The following LRRC7 variants were observed in gnomAD, a reference collection of about 807,000 sequenced individuals.
LRRC7 encodes leucine-rich repeat-containing protein 7.
In LRRC7, 23 loss-of-function variants were observed where a neutral mutation model predicts 175.7. The observed-to-expected ratio is 0.13, with a 90% CI of 0.09 to 0.19. LRRC7 has a LOEUF of 0.19. Ranked by LOEUF, LRRC7 falls within the 10% of genes least tolerant of loss-of-function variation. The probability of loss-of-function intolerance (pLI) is 1.00; values close to 1 mark genes in which losing one functional copy is unlikely to be tolerated. For missense variants in LRRC7, 1,354 were observed against 1,904.7 expected, an observed-to-expected ratio of 0.71 and a Z score of 5.38; for synonymous variants, 685 against 680.9, an observed-to-expected ratio of 1.01 and a Z score of -0.09.
chr1:69,684,841 A>G (rs555634354), intron 2 of LRRC7, among the ~76,000 whole-genome samples: 6 of 152,222 alleles, frequency 3.9e-5, no homozygotes, highest in Admixed American at 1.3e-4. Context: ...ATCTTATTCT[A>G]TAATCCCAAT....
At chr1:69,650,617 C>A (rs1570168128) in intron 1 of LRRC7, among the ~76,000 whole-genome samples, 1 of 150,090 alleles carries the variant, frequency 6.7e-6, no homozygotes, top group Non-Finnish European at 1.5e-5. Flanking sequence ...AGCAAATATT[C>A]ATTAAGCATG....
intron 1 of LRRC7, among the ~76,000 whole-genome samples, chr1:69,612,520 T>A (rs1032530394): frequency 6.6e-6 from 1 of 151,954 alleles, no homozygotes; most frequent in Non-Finnish European, 1.5e-5. Context: ...ATTCTTACAT[T>A]CAATATAAGG....
rs566929210 is a variant in LRRC7 at position 70,136,256 on chromosome 1, T to C, written c.*14369T>C. ...CTTTTGCTTGGTCTTGCCATAAATA[T>C]GCCCCGCAGGTTCACCTATACCCCA... On this transcript the variant is annotated 3_prime_UTR_variant, in exon 27 of 27. Coordinates refer to ENST00000651989, the MANE Select transcript of LRRC7 (RefSeq NM_001370785.2). Among the ~76,000 whole-genome samples the C allele has an allele frequency of 4.4e-4, 67 of 152,052 alleles. No homozygotes were observed. The highest frequency in any genetic ancestry group is 1.4e-3 in the African/African-American group (60 of 41,452).
chr1:69,881,757 G>A (rs1046139856), intron 7 of LRRC7, among the ~76,000 whole-genome samples: 1 of 151,598 alleles, frequency 6.6e-6, no homozygotes, highest in Admixed American at 6.6e-5. Context: ...GTGCATGCTT[G>A]TGGTCTCAGC....
intron 24 of LRRC7, among the ~76,000 whole-genome samples, chr1:70,077,714 C>A (rs1244051184): frequency 6.6e-6 from 1 of 152,056 alleles, no homozygotes; most frequent in Non-Finnish European, 1.5e-5. Flanking sequence ...ACTATTTCCC[C>A]AAAAATGTAA....
At chr1:69,931,621 T>G (rs760143658) in intron 8 of LRRC7, 51 bp downstream of exon 8, 1 of 1,431,266 alleles carries the variant, frequency 7.0e-7, no homozygotes, top group South Asian at 1.2e-5. Flanking sequence ...GGAGATTCTT[T>G]CTTTTGCTCT....
At chr1:69,879,835 A>AATT in intron 7 of LRRC7, 1 of 152,400 alleles carries the variant, frequency 6.6e-6, no homozygotes, top group South Asian at 2.1e-4. Flanking sequence ...TCTCAGGAAC[A>AATT]ATCCCAGGTT....
intron 7 of LRRC7, among the ~76,000 whole-genome samples, chr1:69,921,921 C>CTGTTTGTT (rs149881011): frequency 1.1e-4 from 16 of 151,930 alleles, no homozygotes; most frequent in African/African-American, 3.9e-4. Flanking sequence ...TACATTCATT[C>CTGTTTGTT]TGTTTGTTTG....
chr1:69,910,275 G>A (rs1037022706), intron 7 of LRRC7, among the ~76,000 whole-genome samples: 1 of 152,144 alleles, frequency 6.6e-6, no homozygotes, highest in Non-Finnish European at 1.5e-5. Context: ...CTTTTTAGAG[G>A]TTCCAGTTTT....
chr1:70,040,917 T>A (rs948276902), intron 21 of LRRC7, among the ~76,000 whole-genome samples: 3 of 152,222 alleles, frequency 2.0e-5, no homozygotes, highest in African/African-American at 7.2e-5. Context: ...TTTTGTTGCC[T>A]GTTTGAATCT....
chr1:69,931,673 T>G, intron 8 of LRRC7, 103 bp downstream of exon 8: 1 of 918,942 alleles, frequency 1.1e-6, no homozygotes, highest in Non-Finnish European at 1.7e-6. Context: ...CACGTTTGCA[T>G]TTGCTAAATG....
chr1:69,817,712 C>T (rs999404086), intron 4 of LRRC7, among the ~76,000 whole-genome samples: 1 of 152,024 alleles, frequency 6.6e-6, no homozygotes, highest in African/African-American at 2.4e-5. Flanking sequence ...CTGTGAATTA[C>T]TTTGGGTAGT....
intron 7 of LRRC7, among the ~76,000 whole-genome samples, chr1:69,906,575 T>C (rs1281585280): frequency 3.3e-5 from 5 of 152,200 alleles, no homozygotes; most frequent in Non-Finnish European, 5.9e-5. Context: ...GTTGTAGATA[T>C]GTGGCATGAT....
chr1:69,982,051 A>G (rs1570902030), intron 9 of LRRC7, among the ~76,000 whole-genome samples: 1 of 152,248 alleles, frequency 6.6e-6, no homozygotes, highest in East Asian at 1.9e-4. Context: ...TATGGAACCA[A>G]TAGAAGGTAC....
At chr1:69,917,383 T>C (rs1646752815) in intron 7 of LRRC7, among the ~76,000 whole-genome samples, 1 of 152,156 alleles carries the variant, frequency 6.6e-6, no homozygotes, top group Non-Finnish European at 1.5e-5. Flanking sequence ...CAGTGCTTAC[T>C]TTCATGAAGA....
At chr1:69,743,922 A>G (rs1668984525) in intron 2 of LRRC7, among the ~76,000 whole-genome samples, 1 of 151,804 alleles carries the variant, frequency 6.6e-6, no homozygotes, top group South Asian at 2.1e-4. Flanking sequence ...GTATGATTAT[A>G]TGTATTCACT....
chr1:69,895,397 A>G (rs1645951556), intron 7 of LRRC7, among the ~76,000 whole-genome samples: 1 of 152,190 alleles, frequency 6.6e-6, no homozygotes. Flanking sequence ...TAGAAACTTG[A>G]ATTTATAATA....
intron 7 of LRRC7, among the ~76,000 whole-genome samples, chr1:69,859,941 G>A (rs962038359): frequency 6.6e-6 from 1 of 151,910 alleles, no homozygotes; most frequent in Non-Finnish European, 1.5e-5. Context: ...ATTGAACTAA[G>A]TGATGTGATT....
At position 70,137,264 on chromosome 1, in the gene LRRC7, A is replaced by G. The variant is rs542702121; in HGVS notation, c.*15377A>G. ...TTCCAAGGAGTAACCCTTTTGGGTC[A>G]AAGTCAGAGGGGGCTTGCTGGAATC... is the stretch of plus-strand genomic sequence containing the variant. On this transcript the variant is annotated 3_prime_UTR_variant, in exon 27 of 27. Coordinates refer to ENST00000651989, the MANE Select transcript of LRRC7 (RefSeq NM_001370785.2). Among the ~76,000 whole-genome samples the G allele has an allele frequency of 2.6e-5, 4 of 152,248 alleles. No homozygotes were observed. In the South Asian group the frequency reaches 6.2e-4, roughly 24 times the overall value.
Sources: gnomAD v4.1 joint callset for allele counts (sites outside exome capture counted in the v4.1 genomes callset) on GRCh38, gnomAD v4.1.1 for gene constraint, MANE v1.5 for transcripts, NCBI Gene and HGNC (gene_info 2026-07-23, HGNC 2026-07-21) for gene names.